ABCG2: variants seen among roughly 807,000 people sequenced by gnomAD.
ABCG2 encodes ATP binding cassette subfamily G member 2 (JR blood group).
ABCG2 carries 80 observed loss-of-function variants against 73.5 expected under a neutral mutation model. That is an observed-to-expected ratio of 1.09 (90% CI 0.91 to 1.31). The LOEUF is 1.31. Among genes scored for constraint, ABCG2 ranks in the 50% most tolerant of loss-of-function variants. ABCG2 has a pLI of 0.00. For missense variants in ABCG2, 796 were observed against 786.2 expected (o/e 1.01, Z -0.15); for synonymous variants, 269 against 282.4 (o/e 0.95, Z 0.48).
intron 1 of ABCG2, among the ~76,000 whole-genome samples, chr4:88,149,023 T>G (rs1463134480): frequency 1.3e-5 from 2 of 152,160 alleles, no homozygotes; most frequent in African/African-American, 4.8e-5. Context: ...CACAAAAATC[T>G]GCAGGAATTC....
At chr4:88,106,988 G>A (rs181087991) in intron 10 of ABCG2, among the ~76,000 whole-genome samples, 196 bp downstream of exon 10, 1 of 152,338 alleles carries the variant, frequency 6.6e-6, no homozygotes, top group East Asian at 1.9e-4. Context: ...ATTGCAGTGA[G>A]CTGAGATCGC....
intron 11 of ABCG2, among the ~76,000 whole-genome samples, chr4:88,100,270 G>C (rs141097556): frequency 0.016 from 2,369 of 151,986 alleles, 55 homozygotes; most frequent in African/African-American, 0.053. Context: ...GCGGCCAAAG[G>C]GGGTGGATCA....
intron 1 of ABCG2, among the ~76,000 whole-genome samples, chr4:88,188,804 A>G (rs1728569383): frequency 1.3e-5 from 2 of 152,048 alleles, no homozygotes; most frequent in Non-Finnish European, 2.9e-5. Flanking sequence ...ACTTGAGCTC[A>G]GGAGTTCAAG....
intron 1 of ABCG2, among the ~76,000 whole-genome samples, chr4:88,202,352 ATT>A (rs1491213805): frequency 0.022 from 1,473 of 66,814 alleles, 274 homozygotes; most frequent in African/African-American, 0.052. Context: ...CTCTACAATT[ATT>A]TATATATATA....
intron 7 of ABCG2, among the ~76,000 whole-genome samples, 184 bp from the exon 8 acceptor site, chr4:88,115,242 C>CTCTCTG (rs1421787471): frequency 2.6e-5 from 2 of 77,730 alleles, no homozygotes; most frequent in Non-Finnish European, 5.0e-5. Flanking sequence ...GTCTCTCTCT[C>CTCTCTG]TCTCTCTCTC....
At chr4:88,224,855 T>C (rs1730145261) in intron 1 of ABCG2, among the ~76,000 whole-genome samples, 1 of 152,176 alleles carries the variant, frequency 6.6e-6, no homozygotes, top group Non-Finnish European at 1.5e-5. Context: ...TCTTTGATAA[T>C]TTTTGTATAG....
Position 88,121,743 on chromosome 4 carries a change from G to A in ABCG2, c.581C>T (p.Thr194Ile), listed in dbSNP as rs750308869. The change falls in exon 6 of 16, where the codon ACT (threonine) becomes ATT (isoleucine). Residue 194 changes from threonine (T) to isoleucine (I), a missense_variant. By Grantham distance (89) the Thr-to-Ile change is moderately conservative. Coordinates refer to ENST00000237612, the MANE Select transcript of ABCG2 (RefSeq NM_004827.3). The stretch of plus-strand genomic sequence containing the variant: ...AGTGATAAGCTCCATTCCTATACTA[G>A]TCCTTTTTCTTTCTCCTCCAGACAC... ...RGVSGGERKR[T>I]SIGMELITDP... 1.2e-6 allele frequency: 2 copies of A among 1,613,942 alleles called. No individual in the cohort carries two copies. The highest frequency in any genetic ancestry group is 1.1e-5 in the South Asian group (1 of 91,076).
chr4:88,097,844 C>G (rs956121605), intron 12 of ABCG2, among the ~76,000 whole-genome samples: 1 of 152,196 alleles, frequency 6.6e-6, no homozygotes, highest in African/African-American at 2.4e-5. Context: ...TTTCTGAGTT[C>G]CTGAGATGAA....
At chr4:88,162,023 G>GT (rs894277298), upstream of ABCG2, among the ~76,000 whole-genome samples, 2 of 151,702 alleles carry the variant, frequency 1.3e-5, no homozygotes, top group African/African-American at 2.4e-5. Flanking sequence ...GGGGTTGTTT[G>GT]TTTTTTTCTT....
chr4:88,152,203 A>T (rs1364090870), intron 1 of ABCG2, among the ~76,000 whole-genome samples: 1 of 152,204 alleles, frequency 6.6e-6, no homozygotes, highest in African/African-American at 2.4e-5. Context: ...TGAGAAAAAA[A>T]TGGGAGCTTT....
intron 15 of ABCG2, among the ~76,000 whole-genome samples, chr4:88,093,458 C>G (rs1043732338): frequency 7.1e-6 from 1 of 141,770 alleles, no homozygotes; most frequent in African/African-American, 2.6e-5. Context: ...GAGCGGACAT[C>G]GTGCCACTGC....
At chr4:88,219,807 T>A (rs13131542) in intron 1 of ABCG2, among the ~76,000 whole-genome samples, 3 of 150,972 alleles carry the variant, frequency 2.0e-5, no homozygotes, top group African/African-American at 7.3e-5. Flanking sequence ...GCCAGGATGG[T>A]CTCGATCTCC....
chr4:88,184,452 A>G (rs1560743195), intron 1 of ABCG2, among the ~76,000 whole-genome samples: 1 of 152,216 alleles, frequency 6.6e-6, no homozygotes, highest in Non-Finnish European at 1.5e-5. Flanking sequence ...CCCATTTACA[A>G]TAGCTACAAA....
intron 1 of ABCG2, among the ~76,000 whole-genome samples, chr4:88,197,752 A>G (rs576852608): frequency 7.9e-5 from 12 of 152,060 alleles, no homozygotes; most frequent in Non-Finnish European, 1.5e-4. Flanking sequence ...CTAGTGAGCT[A>G]TAATTACATT....
chr4:88,165,741 G>C (rs1394234734), intron 1 of ABCG2, among the ~76,000 whole-genome samples: 3 of 152,154 alleles, frequency 2.0e-5, no homozygotes, highest in Non-Finnish European at 4.4e-5. Flanking sequence ...GGGCATGGTG[G>C]CATGCGCCTG....
Position 88,132,622 on chromosome 4 carries a change from G to C in ABCG2, c.217C>G (p.Pro73Ala), listed in dbSNP as rs1392737731. 6.2e-7 allele frequency: 1 copy of C among 1,614,110 alleles called. No homozygotes were observed. The highest frequency in any genetic ancestry group is 8.5e-7 in the Non-Finnish European group (1 of 1,180,004). The change falls in exon 3 of 16, where the codon CCT becomes GCT. Residue 73 changes from proline to alanine, a missense_variant. Coordinates refer to ENST00000237612, the MANE Select transcript of ABCG2 (RefSeq NM_004827.3). ...ILSNINGIMK[P>A]GLNAILGPTG... is the part of the protein sequence containing the mutation. Reference sequence around the variant, plus strand: ...GGTCCCAGGATGGCGTTGAGACCAGGTTTCATGATCCCACTGTAAACACAA... The same window carrying C: ...GGTCCCAGGATGGCGTTGAGACCAGCTTTCATGATCCCACTGTAAACACAA...
At chr4:88,148,147 C>T (rs572392724) in intron 1 of ABCG2, among the ~76,000 whole-genome samples, 23 of 152,256 alleles carry the variant, frequency 1.5e-4, no homozygotes, top group Admixed American at 7.9e-4. Context: ...TCCACTTATA[C>T]GCAGATGGAA....
At chr4:88,203,125 T>C (rs1436529622) in intron 1 of ABCG2, among the ~76,000 whole-genome samples, 1 of 152,176 alleles carries the variant, frequency 6.6e-6, no homozygotes, top group Non-Finnish European at 1.5e-5. Flanking sequence ...TTAATGGGGT[T>C]CCAACTTAAA....
intron 1 of ABCG2, among the ~76,000 whole-genome samples, chr4:88,157,609 T>C (rs1166445533): frequency 6.6e-6 from 1 of 152,214 alleles, no homozygotes; most frequent in East Asian, 1.9e-4. Flanking sequence ...CTTTCAATGT[T>C]TATAATGGAA....
Sources: allele counts gnomAD v4.1 joint callset (sites outside exome capture counted in the v4.1 genomes callset), GRCh38; gene constraint gnomAD v4.1.1; transcripts MANE v1.5; gene names NCBI Gene and HGNC (gene_info 2026-07-23, HGNC 2026-07-21).